Variants in MEIS1 observed in about 807,000 individuals in gnomAD.
The protein encoded by MEIS1 is Meis homeobox 1.
Under a neutral mutation model 50.8 loss-of-function variants are expected in MEIS1, and 5 were observed. The ratio of observed to expected loss-of-function variants is 0.10; its 90% CI spans 0.05 to 0.21. The LOEUF is 0.21. Ranked by LOEUF, MEIS1 falls within the 10% of genes least tolerant of loss-of-function variation. The pLI, the probability that MEIS1 is intolerant of heterozygous loss-of-function variation, is 1.00. For missense variants in MEIS1, 318 were observed against 517.3 expected, an observed-to-expected ratio of 0.61 and a Z score of 3.74; for synonymous variants, 176 against 179.3, an observed-to-expected ratio of 0.98 and a Z score of 0.15.
Position 66,471,619 on chromosome 2 carries a change from A to G in MEIS1, c.742+7399A>G, listed in dbSNP as rs369320001. On this transcript the variant is annotated intron_variant, in intron 7 of 12. Transcript: ENST00000272369. ...CAAGACTCATGCAATATTTTAAAAT[A>G]AGAAATAAGTAGTAAGGAAGTATAT... 2.8e-4 allele frequency among the ~76,000 whole-genome samples: 42 copies of G among 152,358 alleles called. No individual in the cohort carries two copies. The South Asian group carries it at 4.3e-3, about 16-fold the overall frequency.
At chr2:66,438,957 T>G (rs1169828392) in intron 2 of MEIS1, 1 of 152,152 alleles carries the variant, frequency 6.6e-6, no homozygotes, top group Non-Finnish European at 1.5e-5. Context: ...ACAGAACATT[T>G]GGGGAAGCTT....
Position 66,459,681 on chromosome 2 carries a change from G to A in MEIS1, c.631-4428G>A, listed in dbSNP as rs147840637. Among the ~76,000 whole-genome samples the A allele has an allele frequency of 3.3e-5, 5 of 152,294 alleles. No homozygotes were observed. The East Asian group carries it at 9.7e-4, about 29-fold the overall frequency. ...GACAAGATTTGGTGACTGATTGAAT[G>A]GGGAGGTGGAGAGAGAGAGATAGAG... On this transcript the variant is annotated intron_variant, in intron 6 of 12. Coordinates refer to ENST00000272369, the MANE Select transcript of MEIS1 (RefSeq NM_002398.3).
intron 6 of MEIS1, among the ~76,000 whole-genome samples, chr2:66,453,562 A>G (rs948238872): frequency 6.6e-6 from 1 of 152,000 alleles, no homozygotes; most frequent in Admixed American, 6.6e-5. Flanking sequence ...GGAAGGGAAT[A>G]ATCTTTTCCC....
chr2:66,480,999 T>TAAA (rs957444246), intron 7 of MEIS1, among the ~76,000 whole-genome samples: 3 of 144,542 alleles, frequency 2.1e-5, no homozygotes, highest in African/African-American at 7.6e-5. Context: ...GAATCTCTGT[T>TAAA]AAAAAAAAAA....
chr2:66,436,917 T>A (rs1391467002), intron 1 of MEIS1: 2 of 983,424 alleles, frequency 2.0e-6, no homozygotes, highest in African/African-American at 3.5e-5. Flanking sequence ...AAGTTGTGCA[T>A]TTGCTTTTGA....
At chr2:66,453,504 G>A (rs1672320646) in intron 6 of MEIS1, among the ~76,000 whole-genome samples, 2 of 151,936 alleles carry the variant, frequency 1.3e-5, no homozygotes, top group Non-Finnish European at 2.9e-5. Context: ...ATCTCAAGAT[G>A]CTTTGAGAAA....
intron 6 of MEIS1, chr2:66,445,169 C>G (rs1443250264): frequency 6.6e-6 from 1 of 152,232 alleles, no homozygotes; most frequent in South Asian, 2.1e-4. Context: ...CTGGTCCCCG[C>G]TGGTTAAGAG....
chr2:66,514,157 A>G (rs140889188), intron 8 of MEIS1, among the ~76,000 whole-genome samples: 4 of 152,316 alleles, frequency 2.6e-5, no homozygotes, highest in African/African-American at 9.6e-5. Context: ...CTCAATCTGC[A>G]AAGGAGTTTT....
intron 7 of MEIS1, among the ~76,000 whole-genome samples, chr2:66,468,389 G>T (rs1297722075): frequency 6.6e-6 from 1 of 152,172 alleles, no homozygotes; most frequent in Non-Finnish European, 1.5e-5. Context: ...CCACATTTTT[G>T]AGTCTGGACA....
chr2:66,484,802 C>T (rs536413968), intron 7 of MEIS1, among the ~76,000 whole-genome samples: 1 of 152,182 alleles, frequency 6.6e-6, no homozygotes, highest in African/African-American at 2.4e-5. Context: ...TCTGGTGATC[C>T]ACCAGCCTTG....
intron 7 of MEIS1, among the ~76,000 whole-genome samples, chr2:66,478,025 G>A (rs540763594): frequency 1.4e-4 from 21 of 152,244 alleles, no homozygotes; most frequent in African/African-American, 5.1e-4. Flanking sequence ...CTGTCACCTG[G>A]TACTTAGTGT....
At chr2:66,537,891 T>C (rs1674559551) in intron 8 of MEIS1, among the ~76,000 whole-genome samples, 1 of 152,260 alleles carries the variant, frequency 6.6e-6, no homozygotes, top group Non-Finnish European at 1.5e-5. Flanking sequence ...CCTTACTTTA[T>C]TGGAGTTTAT....
intron 8 of MEIS1, among the ~76,000 whole-genome samples, chr2:66,542,550 CA>C (rs760491194): frequency 1.3e-5 from 2 of 152,170 alleles, no homozygotes; most frequent in Admixed American, 6.5e-5. Flanking sequence ...TAAAGTATAG[CA>C]TGTAACATTT....
At chr2:66,478,355 A>G (rs968139927) in intron 7 of MEIS1, among the ~76,000 whole-genome samples, 1 of 152,224 alleles carries the variant, frequency 6.6e-6, no homozygotes, top group Non-Finnish European at 1.5e-5. Context: ...GGTTTGCATT[A>G]TGTGGATCAG....
chr2:66,468,482 G>A (rs543392379), intron 7 of MEIS1, among the ~76,000 whole-genome samples: 1 of 152,320 alleles, frequency 6.6e-6, no homozygotes, highest in African/African-American at 2.4e-5. Flanking sequence ...AGGGCTGTCA[G>A]TCAGTGTAGG....
At chr2:66,436,682 G>T (rs575911229) in intron 1 of MEIS1, among the ~76,000 whole-genome samples, 1 of 152,162 alleles carries the variant, frequency 6.6e-6, no homozygotes, top group South Asian at 2.1e-4. Context: ...AAATGTCAGC[G>T]TTCTTCCAAA....
At chr2:66,496,806 G>A (rs904621884) in intron 7 of MEIS1, among the ~76,000 whole-genome samples, 8 of 152,068 alleles carry the variant, frequency 5.3e-5, no homozygotes, top group African/African-American at 1.7e-4. Flanking sequence ...ACTCGGGAAC[G>A]TTCTCGTTTT....
At chr2:66,456,514 C>T (rs552138824) in intron 6 of MEIS1, among the ~76,000 whole-genome samples, 1 of 152,304 alleles carries the variant, frequency 6.6e-6, no homozygotes, top group African/African-American at 2.4e-5. Flanking sequence ...GCCACAGATT[C>T]TGAAGAGGGA....
At chr2:66,443,352 C>T in intron 6 of MEIS1, 1 of 294,392 alleles carries the variant, frequency 3.4e-6, no homozygotes, top group South Asian at 5.9e-5. Context: ...TGTTAACTGC[C>T]AGTGACCGCC....
Sources: gnomAD v4.1 joint callset for allele counts (sites outside exome capture counted in the v4.1 genomes callset) on GRCh38, gnomAD v4.1.1 for gene constraint, MANE v1.5 for transcripts, NCBI Gene and HGNC (gene_info 2026-07-23, HGNC 2026-07-21) for gene names.